Variants in CIT observed in about 807,000 individuals in gnomAD.
The protein encoded by CIT is citron rho-interacting serine/threonine kinase, also known as citron Rho-interacting kinase.
In CIT, 79 loss-of-function variants were observed where a neutral mutation model predicts 272.7. The ratio of observed to expected loss-of-function variants is 0.29; its 90% CI spans 0.24 to 0.35. The LOEUF (loss-of-function observed/expected upper bound fraction) is 0.35, where lower values mean the gene tolerates loss of function less well. CIT is among the 10% of genes least tolerant of loss of function. CIT has a pLI of 1.00. For synonymous variants in CIT, 948 were observed against 995.6 expected (o/e 0.95, Z 0.90); for missense variants, 1,909 against 2,618.3 (o/e 0.73, Z 5.91).
rs1957806866 is a variant in CIT, at chr12:119,721,337, T to G, written c.3704A>C (p.Asp1235Ala). 1 of 1,606,522 alleles carries G rather than the reference T, an allele frequency of 6.2e-7. No individual in the cohort carries two copies. The highest frequency in any genetic ancestry group is 8.5e-7 in the Non-Finnish European group (1 of 1,174,104). The change falls in exon 29 of 48, where the codon GAC becomes GCC. Residue 1235 changes from aspartate (D) to alanine (A), a missense_variant. Transcript: ENST00000392521. ...RADLLKTERS[D>A]LEYQLENIQV... ...AATGTTTTCCAGCTGATACTCCAAG[T>G]CACTTCTTTCTGTCTTCAGTAGATC...
At chr12:119,869,704 G>C (rs370022036) in intron 2 of CIT, among the ~76,000 whole-genome samples, 17 of 152,120 alleles carry the variant, frequency 1.1e-4, no homozygotes, top group Non-Finnish European at 2.5e-4. Context: ...GTTACAAACT[G>C]GCAGACTGTC....
chr12:119,814,965 G>A (rs538965937), intron 9 of CIT, among the ~76,000 whole-genome samples: 1 of 151,256 alleles, frequency 6.6e-6, no homozygotes, highest in African/African-American at 2.4e-5. Context: ...TTGAACCCAG[G>A]AGGCAGAAGT....
At chr12:119,730,991 G>A (rs1279773794) in intron 26 of CIT, among the ~76,000 whole-genome samples, 1 of 151,810 alleles carries the variant, frequency 6.6e-6, no homozygotes, top group Admixed American at 6.6e-5. Context: ...GCTGGGTGTG[G>A]TGGCGTGCGC....
At chr12:119,772,740 TG>T in intron 17 of CIT, 29 bp downstream of exon 17, 1 of 1,588,872 alleles carries the variant, frequency 6.3e-7, no homozygotes. Flanking sequence ...CCGAGGCCGC[TG>T]GGGCCTGGGC....
chr12:119,819,744 A>T (rs893842788), intron 9 of CIT, among the ~76,000 whole-genome samples: 2 of 152,254 alleles, frequency 1.3e-5, no homozygotes, highest in Admixed American at 1.3e-4. Context: ...GGTTGATGAA[A>T]ATCACTCAAC....
At position 119,780,547 on chromosome 12, in the gene CIT, G is replaced by A. The variant is rs183944776; in HGVS notation, c.1665+1971C>T. Among the ~76,000 whole-genome samples, 17 of 152,240 alleles carry A rather than the reference G, an allele frequency of 1.1e-4. No individual in the cohort carries two copies. The East Asian group carries it at 3.1e-3, about 28-fold the overall frequency. On this transcript the variant is annotated intron_variant, in intron 13 of 47. Transcript: ENST00000392521. ...CAGGAGAATCACTTGAACCCAGGAG[G>A]TGGAGGCTGCAGTGAGCCGAAACTG...
intron 24 of CIT, 116 bp from the exon 25 acceptor site, chr12:119,735,473 A>T: frequency 1.0e-6 from 1 of 1,002,620 alleles, no homozygotes; most frequent in Non-Finnish European, 1.5e-6. Context: ...CGTGCCGCTC[A>T]TGAGTTTGCC....
In CIT at chr12:119,870,679, G is replaced by A. The variant is rs550892361; in HGVS notation, c.97-1478C>T. 1.2e-4 allele frequency among the ~76,000 whole-genome samples: 18 copies of A among 151,842 alleles called. No individual in the cohort carries two copies. In the South Asian group the frequency reaches 3.3e-3, roughly 28 times the overall value. On this transcript the variant is annotated intron_variant, in intron 2 of 47. Coordinates refer to ENST00000392521, the MANE Select transcript of CIT (RefSeq NM_001206999.2). Reference sequence around the variant, plus strand: ...AGCCCTTGGACCAAATCCAGCCCACGGACTTTTTATAAGTTTTACTGGAAC... The same window carrying A: ...AGCCCTTGGACCAAATCCAGCCCACAGACTTTTTATAAGTTTTACTGGAAC...
At chr12:119,849,801 T>G (rs1329324358) in intron 5 of CIT, among the ~76,000 whole-genome samples, 3 of 152,020 alleles carry the variant, frequency 2.0e-5, no homozygotes, top group Non-Finnish European at 4.4e-5. Context: ...TTGTCCTGCC[T>G]TAGCCACCTG....
At chr12:119,742,563 C>G (rs1221117381) in intron 23 of CIT, 99 bp from the exon 24 acceptor site, 1 of 775,168 alleles carries the variant, frequency 1.3e-6, no homozygotes, top group African/African-American at 1.8e-5. Flanking sequence ...CCTGGAAAGC[C>G]GAGAATGCGG....
chr12:119,834,969 T>G (rs531490300), intron 5 of CIT, among the ~76,000 whole-genome samples: 21 of 152,294 alleles, frequency 1.4e-4, no homozygotes, highest in African/African-American at 5.1e-4. Context: ...AAATTGTCCA[T>G]GACAATATAA....
At chr12:119,865,298 G>A (rs1438115519) in intron 3 of CIT, among the ~76,000 whole-genome samples, 2 of 152,166 alleles carry the variant, frequency 1.3e-5, no homozygotes, top group Non-Finnish European at 2.9e-5. Context: ...GCCTGCAGAT[G>A]GCTCAGTAAG....
chr12:119,738,940 C>G (rs898826357), intron 24 of CIT, among the ~76,000 whole-genome samples: 1 of 151,300 alleles, frequency 6.6e-6, no homozygotes, highest in East Asian at 1.9e-4. Flanking sequence ...AAAAACAGCT[C>G]TGTTTGGGCT....
chr12:119,771,331 G>C (rs1963116843), intron 17 of CIT, among the ~76,000 whole-genome samples: 1 of 152,144 alleles, frequency 6.6e-6, no homozygotes, highest in Admixed American at 6.5e-5. Context: ...GTTGAGCAGA[G>C]ACATCAGAGA....
rs574739462 is a variant in CIT, at chr12:119,757,363, G to A, written c.2706+8C>T. 1.4e-5 allele frequency: 23 copies of A among 1,613,398 alleles called. No individual in the cohort carries two copies. Among genetic ancestry groups the A allele is most frequent in the African/African-American group, 5.3e-5 (4 of 74,966 alleles). On this transcript the variant is annotated splice_region_variant and intron_variant, in intron 22 of 47. Transcript: ENST00000392521. ...AAATCCTCCCAGGAGATGACTCCTC[G>A]CTCTCACCTCCCGCAATCTTGTCTC...
rs11295550 is a variant in CIT at position 119,770,529 on chromosome 12, TAAA to T, written c.2208+253_2208+255del. On this transcript the variant is annotated intron_variant, in intron 18 of 47. Transcript: ENST00000392521. This position sits in a 1 kb window ranked among gnomAD's most constrained non-coding sequence, Gnocchi z 4.4. Reference sequence around the variant, plus strand: ...TGAAAATGATAGATGCACGTTCCACTAAAAAAAAAAAAAAAGCCAGGCTGTAGC... The same window carrying T: ...TGAAAATGATAGATGCACGTTCCACTAAAAAAAAAAAAGCCAGGCTGTAGC... 3.3e-4 allele frequency among the ~76,000 whole-genome samples: 47 copies of T among 142,578 alleles called. No homozygotes were observed. The highest frequency in any genetic ancestry group is 2.8e-4 in the Non-Finnish European group (18 of 65,362). The allele number at this position is 142,578 out of a possible 152,430, so 93.5% of individuals were successfully genotyped here.
rs1421433139 is a variant in CIT at position 119,735,267 on chromosome 12, C to T, written c.3049G>A (p.Asp1017Asn). The T allele has an allele frequency of 1.2e-6, 2 of 1,614,070 alleles. No homozygotes were observed. Among genetic ancestry groups the T allele is most frequent in the African/African-American group, 1.3e-5 (1 of 74,916 alleles). The change falls in exon 25 of 48, where the codon GAT becomes AAT. Residue 1017 changes from aspartate (D) to asparagine (N), a missense_variant. Physicochemically the swap from Asp to Asn is conservative, Grantham distance 23 (BLOSUM62 1). Transcript: ENST00000392521. ...TCGTCGTTGGCGCCAGAAGCCTCAT[C>T]GAGTTGTTTGGACAAGTAGAAGTTT... ...NQNFYLSKQL[D>N]EASGANDEIV...
intron 7 of CIT, among the ~76,000 whole-genome samples, chr12:119,826,511 C>A (rs981865635): frequency 4.6e-5 from 7 of 152,174 alleles, no homozygotes; most frequent in African/African-American, 7.2e-5. Flanking sequence ...CTCATACCCA[C>A]CCCTGTCTAG....
chr12:119,720,585 C>T lies in CIT; in HGVS notation c.3733G>A (p.Val1245Ile), dbSNP rs1957770242. The T allele has an allele frequency of 6.3e-7, 1 of 1,583,584 alleles. No individual in the cohort carries two copies. Among genetic ancestry groups the T allele is most frequent in the African/African-American group, 1.4e-5 (1 of 73,080 alleles). The change falls in exon 30 of 48, where the codon GTT becomes ATT. Residue 1245 changes from valine (V) to isoleucine (I), a missense_variant and splice_region_variant. By Grantham distance (29) the Val-to-Ile change is conservative (BLOSUM62 3). This residue lies in a region of CIT where 14 missense variants were observed against 44.1 expected (regional missense o/e 0.32). Coordinates refer to ENST00000392521, the MANE Select transcript of CIT (RefSeq NM_001206999.2). Reference sequence around the variant, plus strand: ...TTCACCTTTTCATGAGAATAGAGAACCTAAAATTCAAGAAAACAAACTAAC... The same window carrying T: ...TTCACCTTTTCATGAGAATAGAGAATCTAAAATTCAAGAAAACAAACTAAC... ...DLEYQLENIQ[V>I]LYSHEKVKME... is the part of the protein sequence containing the mutation.
Sources: allele counts gnomAD v4.1 joint callset (sites outside exome capture counted in the v4.1 genomes callset), GRCh38; gene constraint gnomAD v4.1.1; regional missense constraint gnomAD v4.1.1; non-coding constraint Gnocchi (gnomAD v3.1); transcripts MANE v1.5; gene names NCBI Gene and HGNC (gene_info 2026-07-23, HGNC 2026-07-21).